The following GNAI1 variants were observed in gnomAD, a reference collection of about 807,000 sequenced individuals.
The protein encoded by GNAI1 is G protein subunit alpha i1.
GNAI1 carries 11 observed loss-of-function variants against 38.9 expected under a neutral mutation model. The observed-to-expected ratio is 0.28, with a 90% confidence interval of 0.18 to 0.47. GNAI1 has a LOEUF of 0.47. GNAI1 is among the 20% of genes least tolerant of loss of function. The probability of loss-of-function intolerance (pLI) is 0.99; values close to 1 mark genes in which losing one functional copy is unlikely to be tolerated. For missense variants in GNAI1, 317 were observed against 436.9 expected, an observed-to-expected ratio of 0.73 and a Z score of 2.45; for synonymous variants, 166 against 145.1, an observed-to-expected ratio of 1.14 and a Z score of -1.04.
chr7:80,197,260 A>C (rs888566903), intron 3 of GNAI1, among the ~76,000 whole-genome samples: 1 of 151,120 alleles, frequency 6.6e-6, no homozygotes, highest in East Asian at 1.9e-4. Flanking sequence ...ATAAAACATC[A>C]TCTCACTTAT....
chr7:80,169,871 C>T (rs1476514660), intron 1 of GNAI1, among the ~76,000 whole-genome samples: 5 of 152,248 alleles, frequency 3.3e-5, no homozygotes, highest in South Asian at 2.1e-4. Flanking sequence ...CACTGGTCTA[C>T]GTTCTGTCTC....
At chr7:80,167,323 G>A (rs920828262) in intron 1 of GNAI1, among the ~76,000 whole-genome samples, 2 of 152,186 alleles carry the variant, frequency 1.3e-5, no homozygotes, top group African/African-American at 2.4e-5. Flanking sequence ...AGCAGGAGGC[G>A]TATGCAGTTA....
At chr7:80,209,745 C>T (rs1195237228) in intron 5 of GNAI1, among the ~76,000 whole-genome samples, 1 of 152,094 alleles carries the variant, frequency 6.6e-6, no homozygotes, top group Admixed American at 6.6e-5. Flanking sequence ...AAATTGTGTT[C>T]CTGGGCATTT....
Position 80,142,118 on chromosome 7 carries a change from G to C in GNAI1, c.118+6840G>C, listed in dbSNP as rs545360203. ...CGTATTTCTATTAACAGTATGTCAA[G>C]ACCACCTAGACTTTTTCTATTATGC... On this transcript the variant is annotated intron_variant, in intron 1 of 7. Coordinates refer to ENST00000649796, the MANE Select transcript of GNAI1 (RefSeq NM_002069.6). Among the ~76,000 whole-genome samples, 3 of 152,184 alleles carry C rather than the reference G, an allele frequency of 2.0e-5. No homozygotes were observed. The East Asian group carries it at 5.8e-4, about 29-fold the overall frequency.
intron 1 of GNAI1, among the ~76,000 whole-genome samples, chr7:80,159,899 A>G (rs1787890113): frequency 6.6e-6 from 1 of 151,554 alleles, no homozygotes; most frequent in Non-Finnish European, 1.5e-5. Context: ...CGTGAGGATT[A>G]GAGATATATG....
At chr7:80,211,839 G>A (rs914029256) in intron 6 of GNAI1, among the ~76,000 whole-genome samples, 1 of 152,168 alleles carries the variant, frequency 6.6e-6, no homozygotes, top group Non-Finnish European at 1.5e-5. Context: ...GTCATTTTAA[G>A]TTAACTTTAT....
At chr7:80,145,200 A>C (rs1441131458) in intron 1 of GNAI1, among the ~76,000 whole-genome samples, 1 of 152,232 alleles carries the variant, frequency 6.6e-6, no homozygotes, top group East Asian at 1.9e-4. Flanking sequence ...TAAACTTTTC[A>C]GAATATTCAG....
At chr7:80,165,483 T>C (rs1787998079) in intron 1 of GNAI1, among the ~76,000 whole-genome samples, 1 of 152,240 alleles carries the variant, frequency 6.6e-6, no homozygotes, top group Admixed American at 6.5e-5. Flanking sequence ...CTCCACTTTG[T>C]ATGTTTATGT....
At chr7:80,217,240 T>C in intron 7 of GNAI1, 63 bp from the exon 8 acceptor site, 2 of 1,072,104 alleles carry the variant, frequency 1.9e-6, no homozygotes, top group Non-Finnish European at 2.7e-6. Context: ...GAAACTGAAT[T>C]CAGTATTTTA....
intron 1 of GNAI1, among the ~76,000 whole-genome samples, chr7:80,136,309 C>A (rs1024794819): frequency 1.3e-5 from 2 of 152,138 alleles, no homozygotes; most frequent in African/African-American, 2.4e-5. Context: ...TCAGAATCTT[C>A]ATTTGCATTT....
At chr7:80,181,271 A>G (rs191504931) in intron 1 of GNAI1, among the ~76,000 whole-genome samples, 1 of 152,288 alleles carries the variant, frequency 6.6e-6, no homozygotes, top group Admixed American at 6.5e-5. Context: ...GTCAAACCAG[A>G]TAGAGTGGTA....
chr7:80,188,390 T>C (rs1788424293), intron 1 of GNAI1, among the ~76,000 whole-genome samples: 1 of 152,216 alleles, frequency 6.6e-6, no homozygotes, highest in South Asian at 2.1e-4. Context: ...AATTTTTTAA[T>C]GCTTTGGAGA....
At chr7:80,157,339 G>C (rs973474922) in intron 1 of GNAI1, among the ~76,000 whole-genome samples, 6 of 152,174 alleles carry the variant, frequency 3.9e-5, no homozygotes, top group Admixed American at 6.5e-5. Flanking sequence ...CAGTTTATCT[G>C]TTCACCTACT....
At chr7:80,174,445 A>G (rs1174112284) in intron 1 of GNAI1, among the ~76,000 whole-genome samples, 1 of 146,322 alleles carries the variant, frequency 6.8e-6, no homozygotes, top group Middle Eastern at 3.5e-3. Context: ...TAGTTTTTGT[A>G]TCTTCTGCTG....
intron 1 of GNAI1, among the ~76,000 whole-genome samples, chr7:80,170,875 G>A (rs1265300872): frequency 6.6e-6 from 1 of 152,138 alleles, no homozygotes; most frequent in African/African-American, 2.4e-5. Flanking sequence ...TGCTCCATTA[G>A]TGATGATGGA....
intron 7 of GNAI1, among the ~76,000 whole-genome samples, chr7:80,213,154 C>T (rs541653198): frequency 2.0e-5 from 3 of 152,268 alleles, no homozygotes; most frequent in Non-Finnish European, 4.4e-5. Context: ...GATTTCATAT[C>T]AGGTACTGTG....
intron 1 of GNAI1, among the ~76,000 whole-genome samples, chr7:80,165,388 A>ATT (rs1787996399): frequency 1.3e-5 from 2 of 152,162 alleles, no homozygotes; most frequent in African/African-American, 4.8e-5. Context: ...TTTGTCATTT[A>ATT]AAGGGCTGTT....
intron 1 of GNAI1, among the ~76,000 whole-genome samples, chr7:80,167,252 T>G: frequency 6.6e-6 from 1 of 152,224 alleles, no homozygotes; most frequent in African/African-American, 2.4e-5. Flanking sequence ...CAAGAAAGTT[T>G]TTCCTTGCAA....
At chr7:80,160,103 C>G (rs1443877433) in intron 1 of GNAI1, among the ~76,000 whole-genome samples, 1 of 152,028 alleles carries the variant, frequency 6.6e-6, no homozygotes, top group African/African-American at 2.4e-5. Flanking sequence ...CTTAAAGCCT[C>G]TCTGGGAAGA....
Sources: gnomAD v4.1 joint callset for allele counts (sites outside exome capture counted in the v4.1 genomes callset) on GRCh38, gnomAD v4.1.1 for gene constraint, MANE v1.5 for transcripts, NCBI Gene and HGNC (gene_info 2026-07-23, HGNC 2026-07-21) for gene names.